Variants in CDNF observed in about 807,000 individuals in gnomAD.
CDNF encodes the protein cerebral dopamine neurotrophic factor, also known as ARMET-like protein 1.
CDNF carries 9 observed loss-of-function variants against 14.8 expected under a neutral mutation model. The observed-to-expected ratio is 0.61, with a 90% CI of 0.37 to 1.06. The LOEUF (loss-of-function observed/expected upper bound fraction) is 1.06. Ranked by LOEUF, CDNF falls within the 50% of genes least tolerant of loss-of-function variation. The pLI is 0.01. For missense variants in CDNF, 228 were observed against 228.4 expected (o/e 1.00, Z 0.01); for synonymous variants, 86 against 87.2 (o/e 0.99, Z 0.07).
At chr10:14,837,122 A>G (rs1171354078) in intron 1 of CDNF, among the ~76,000 whole-genome samples, 4 of 152,206 alleles carry the variant, frequency 2.6e-5, no homozygotes, top group Non-Finnish European at 5.9e-5. Flanking sequence ...GCGCTACAGG[A>G]GTCCAGAAGG....
chr10:14,819,430 A>G lies in CDNF; in HGVS notation c.*550T>C, dbSNP rs987165668. 1.3e-5 allele frequency: 2 copies of G among 152,156 alleles called. No homozygotes were observed. Among genetic ancestry groups the G allele is most frequent in the African/African-American group, 4.8e-5 (2 of 41,420 alleles). The allele number at this position is 152,156 out of a possible 1,614,324, so 9.4% of individuals were successfully genotyped here. A position where few individuals can be genotyped will look rare whatever the true frequency, so the allele number is the denominator to read the frequency against. ...TTTCTTGATCTCTCTATTTTCTTTA[A>G]GTAGGTTTAAGTGGGTTTTCTTCCA... is the stretch of plus-strand genomic sequence containing the variant. On this transcript the variant is annotated 3_prime_UTR_variant, in exon 4 of 4. Transcript: ENST00000465530.
rs1401792859 is a variant in CDNF at position 14,826,129 on chromosome 10, AG to A, written c.244-510del. 3.3e-3 allele frequency among the ~76,000 whole-genome samples: 450 copies of A among 135,292 alleles called. 3 individuals carry two copies. Among genetic ancestry groups the A allele is most frequent in the African/African-American group, 0.012 (409 of 33,482 alleles). 88.8% of individuals were successfully genotyped at this position (135,292 alleles called of 152,430 possible). On this transcript the variant is annotated intron_variant, in intron 2 of 3. Transcript: ENST00000465530. ...CAGCAGCAGCAGCAGCAGCAGAAGC[AG>A]GAGAAGGAGAAGGAGAAGGAGAAGA... is the stretch of plus-strand genomic sequence containing the variant.
chr10:14,835,924 A>G (rs373862359), intron 1 of CDNF, among the ~76,000 whole-genome samples: 38 of 152,382 alleles, frequency 2.5e-4, no homozygotes, highest in African/African-American at 8.9e-4. Flanking sequence ...CTATACAGCC[A>G]TAAGGCCAAT....
chr10:14,824,266 A>G (rs955293216), intron 3 of CDNF, among the ~76,000 whole-genome samples: 1 of 152,206 alleles, frequency 6.6e-6, no homozygotes, highest in Non-Finnish European at 1.5e-5. Flanking sequence ...ATGATAAAAG[A>G]TCTATCCATG....
At chr10:14,824,283 G>A (rs1028962570) in intron 3 of CDNF, among the ~76,000 whole-genome samples, 1 of 152,160 alleles carries the variant, frequency 6.6e-6, no homozygotes, top group Admixed American at 6.5e-5. Flanking sequence ...CATGTGAAAT[G>A]TATGGGGCCA....
In CDNF at chr10:14,825,381, T is replaced by C. The variant is rs1054020003; in HGVS notation, c.385+98A>G. ...AACTTATTGATGAGTGGTGAATTTC[T>C]TTCCTTTTAACACTGAATTTTTAGA... On this transcript the variant is annotated intron_variant, in intron 3 of 3. Coordinates refer to ENST00000465530, the MANE Select transcript of CDNF (RefSeq NM_001029954.3). 1.0e-5 allele frequency: 13 copies of C among 1,252,058 alleles called. No individual in the cohort carries two copies. In the African/African-American group the frequency reaches 1.8e-4, roughly 17 times the overall value. The allele number at this position is 1,252,058 out of a possible 1,614,324, so 77.6% of individuals were successfully genotyped here.
intron 1 of CDNF, chr10:14,836,281 A>C (rs1326056198): frequency 6.6e-6 from 1 of 152,208 alleles, no homozygotes; most frequent in African/African-American, 2.4e-5. Flanking sequence ...CTGCGATTAC[A>C]CAAGCTTCTT....
intron 2 of CDNF, among the ~76,000 whole-genome samples, chr10:14,825,950 C>CA (rs1471391206): frequency 2.4e-4 from 33 of 136,082 alleles, no homozygotes; most frequent in African/African-American, 1.1e-4. Context: ...GACTCCATCT[C>CA]AAAAAAAAAG....
In CDNF at chr10:14,819,939, T is replaced by C; in HGVS notation, c.*41A>G. On this transcript the variant is annotated 3_prime_UTR_variant, in exon 4 of 4. Transcript: ENST00000465530. ...ATGTCCATATCCTAGAGAGTCACTT[T>C]TCTCTCTAATTACAAGTCACAAATG... 6.4e-7 allele frequency: 1 copy of C among 1,568,446 alleles called. No individual in the cohort carries two copies. Among genetic ancestry groups the C allele is most frequent in the East Asian group, 2.2e-5 (1 of 44,586 alleles).
At chr10:14,827,578 T>C (rs1833809517) in intron 2 of CDNF, among the ~76,000 whole-genome samples, 1 of 152,138 alleles carries the variant, frequency 6.6e-6, no homozygotes, top group Admixed American at 6.6e-5. Flanking sequence ...GGGAATTCAG[T>C]TTCATAATTT....
Position 14,825,495 on chromosome 10 carries a change from G to A in CDNF, c.369C>T (p.Ile123=), listed in dbSNP as rs1345101517. The change falls in exon 3 of 4, where the codon ATC becomes ATT. Residue 123 remains isoleucine, a synonymous_variant. Coordinates refer to ENST00000465530, the MANE Select transcript of CDNF (RefSeq NM_001029954.3). Reference sequence around the variant, plus strand: ...GTGTTATACCATATTTCAGCTCACAGATCTGGCTATCCAACTTCTTCAGCT... The same window carrying A: ...GTGTTATACCATATTTCAGCTCACAAATCTGGCTATCCAACTTCTTCAGCT... The part of the protein sequence containing the change: ...CEKLKKLDSQ[I]CELKYEKTLD... 2 of 1,614,060 alleles carry A rather than the reference G, an allele frequency of 1.2e-6. No individual in the cohort carries two copies. The highest frequency in any genetic ancestry group is 2.2e-5 in the East Asian group (1 of 44,876).
intron 1 of CDNF, among the ~76,000 whole-genome samples, chr10:14,833,218 T>G (rs2131628042): frequency 6.6e-6 from 1 of 152,252 alleles, no homozygotes; most frequent in East Asian, 1.9e-4. Flanking sequence ...ATGGTTAATT[T>G]TATGTAGCAA....
At chr10:14,822,755 T>C (rs1443921577) in intron 3 of CDNF, among the ~76,000 whole-genome samples, 1 of 152,216 alleles carries the variant, frequency 6.6e-6, no homozygotes, top group African/African-American at 2.4e-5. Context: ...TTTAAAAACA[T>C]TAAAAACCTA....
chr10:14,824,285 A>G (rs1322786713), intron 3 of CDNF, among the ~76,000 whole-genome samples: 1 of 152,192 alleles, frequency 6.6e-6, no homozygotes, highest in Non-Finnish European at 1.5e-5. Context: ...TGTGAAATGT[A>G]TGGGGCCAAG....
At chr10:14,826,239 CAGA>C (rs1564313681) in intron 2 of CDNF, among the ~76,000 whole-genome samples, 4 of 144,748 alleles carry the variant, frequency 2.8e-5, no homozygotes, top group Non-Finnish European at 3.0e-5. Context: ...GAAGCAGCAG[CAGA>C]AGAAGCATAA....
chr10:14,820,247 T>C (rs1833726848), intron 3 of CDNF, 89 bp from the exon 4 acceptor site: 2 of 1,320,182 alleles, frequency 1.5e-6, no homozygotes, highest in Admixed American at 2.1e-5. Context: ...AGTTTGCTTA[T>C]CTTGGTGCTG....
intron 2 of CDNF, among the ~76,000 whole-genome samples, chr10:14,825,857 G>GGT (rs1413747495): frequency 6.6e-6 from 1 of 151,588 alleles, no homozygotes; most frequent in Non-Finnish European, 1.5e-5. Flanking sequence ...AAATTAGCCA[G>GGT]GTGTGCTTGC....
At chr10:14,825,414 G>A in intron 3 of CDNF, 65 bp downstream of exon 3, 2 of 1,482,770 alleles carry the variant, frequency 1.3e-6, no homozygotes, top group Admixed American at 2.0e-5. Context: ...AGAAGACATG[G>A]CCCCAACTTT....
intron 2 of CDNF, among the ~76,000 whole-genome samples, chr10:14,826,064 G>C (rs1473073463): frequency 6.5e-5 from 9 of 138,716 alleles, no homozygotes; most frequent in African/African-American, 2.3e-4. Context: ...AGAAGAAGAA[G>C]AAGAAGAAGA....
Sources: allele counts gnomAD v4.1 joint callset (sites outside exome capture counted in the v4.1 genomes callset), GRCh38; gene constraint gnomAD v4.1.1; transcripts MANE v1.5; gene names NCBI Gene and HGNC (gene_info 2026-07-23, HGNC 2026-07-21).